The following CABLES1 variants were observed in gnomAD, a reference collection of about 807,000 sequenced individuals.
The protein encoded by CABLES1 is CDK5 and ABL1 enzyme substrate 1.
A neutral mutation model predicts 57.8 loss-of-function variants in CABLES1; 36 were observed. The observed-to-expected ratio is 0.62, with a 90% CI of 0.48 to 0.82. The LOEUF (loss-of-function observed/expected upper bound fraction) is 0.82. Among genes scored for constraint, CABLES1 ranks in the 40% least tolerant of loss-of-function variants. CABLES1 has a pLI of 0.00. For missense variants in CABLES1, 767 were observed against 836.6 expected (o/e 0.92, Z 1.03); for synonymous variants, 374 against 363.0 (o/e 1.03, Z -0.35).
At chr18:23,149,581 C>T (rs969924984) in intron 1 of CABLES1, 4 of 152,230 alleles carry the variant, frequency 2.6e-5, no homozygotes, top group Non-Finnish European at 4.4e-5. Context: ...TGTGCCCAGC[C>T]ATGGAATTTT....
At chr18:23,177,127 G>C (rs1184885352) in intron 1 of CABLES1, among the ~76,000 whole-genome samples, 1 of 152,058 alleles carries the variant, frequency 6.6e-6, no homozygotes, top group East Asian at 1.9e-4. Flanking sequence ...AAATAAATGC[G>C]TATCTGGCTT....
intron 7 of CABLES1, among the ~76,000 whole-genome samples, chr18:23,239,141 T>TGTATGTGC (rs1448300837): frequency 5.3e-5 from 8 of 152,264 alleles, no homozygotes; most frequent in Non-Finnish European, 1.0e-4. Context: ...GCAGTATGTG[T>TGTATGTGC]GTATGTGCGT....
At chr18:23,202,043 G>GAGGAAGGA (rs55652834) in intron 3 of CABLES1, among the ~76,000 whole-genome samples, 6,737 of 151,862 alleles carry the variant, frequency 0.044, 159 homozygotes, top group Middle Eastern at 0.082. Flanking sequence ...AGGTGATTGA[G>GAGGAAGGA]AGGAAGGAAG....
At chr18:23,190,662 C>A (rs1005920176) in intron 2 of CABLES1, 5 of 152,146 alleles carry the variant, frequency 3.3e-5, no homozygotes, top group African/African-American at 1.2e-4. Context: ...CTTGTACCAG[C>A]GTTCACAGAA....
intron 1 of CABLES1, among the ~76,000 whole-genome samples, chr18:23,173,632 G>C (rs943098644): frequency 6.6e-6 from 1 of 152,092 alleles, no homozygotes; most frequent in African/African-American, 2.4e-5. Context: ...TATTTTAACA[G>C]CTTTACTAAG....
intron 3 of CABLES1, among the ~76,000 whole-genome samples, chr18:23,199,662 A>C (rs2047309315): frequency 6.6e-6 from 1 of 152,186 alleles, no homozygotes; most frequent in Non-Finnish European, 1.5e-5. Context: ...AGAAGGTGGT[A>C]GGTAAGAGGT....
At chr18:23,158,821 G>A (rs906309131) in intron 1 of CABLES1, among the ~76,000 whole-genome samples, 2 of 152,324 alleles carry the variant, frequency 1.3e-5, no homozygotes, top group South Asian at 4.1e-4. Context: ...GTAATTGGGT[G>A]AAGAGCAAAT....
rs527994911 is a variant in CABLES1 at position 23,241,795 on chromosome 18, C to T, written c.1446+4550C>T. Among the ~76,000 whole-genome samples the T allele has an allele frequency of 3.3e-5, 5 of 152,284 alleles. No individual in the cohort carries two copies. The South Asian group carries it at 6.2e-4, about 19-fold the overall frequency. On this transcript the variant is annotated intron_variant, in intron 7 of 9. Transcript: ENST00000256925. ...CTAAGTGTAATATAAAAAGGCCCCT[C>T]GTCGCCACAGTCAGGACATGTCTTA...
chr18:23,212,016 G>A (rs577124035), intron 3 of CABLES1, among the ~76,000 whole-genome samples: 2 of 152,224 alleles, frequency 1.3e-5, no homozygotes, highest in South Asian at 2.1e-4. Flanking sequence ...CGGGCCCGTG[G>A]TATCTGATGA....
chr18:23,174,842 AT>A (rs1299883963), intron 1 of CABLES1, among the ~76,000 whole-genome samples: 1 of 140,768 alleles, frequency 7.1e-6, no homozygotes, highest in Non-Finnish European at 1.6e-5. Flanking sequence ...ATATATATAT[AT>A]ATATATATAT....
At chr18:23,217,279 C>G (rs766404218) in intron 4 of CABLES1, among the ~76,000 whole-genome samples, 1 of 152,052 alleles carries the variant, frequency 6.6e-6, no homozygotes, top group Non-Finnish European at 1.5e-5. Context: ...GATGAGATCT[C>G]GCCATGTTGC....
intron 4 of CABLES1, among the ~76,000 whole-genome samples, chr18:23,223,810 G>T (rs917337581): frequency 6.6e-6 from 1 of 152,042 alleles, no homozygotes; most frequent in African/African-American, 2.4e-5. Context: ...TCAGGTGCAT[G>T]TGTTAGGAAG....
chr18:23,235,954 C>T lies in CABLES1; in HGVS notation c.1245C>T (p.Thr415=), dbSNP rs565339161. The T allele has an allele frequency of 4.3e-6, 7 of 1,614,018 alleles. No individual in the cohort carries two copies. The Admixed American group carries it at 6.7e-5, about 15-fold the overall frequency. The change falls in exon 6 of 10, where the codon ACC becomes ACT. Residue 415 remains threonine (T), a synonymous_variant. Transcript: ENST00000256925. ...PTNAFGARRN[T]IDSTSSFSQF... ...ATGCCTTTGGAGCCCGGAGAAATAC[C>T]ATAGACTCCACCTCCTCTTTCTCCC...
rs954428988 is a variant in CABLES1, at chr18:23,257,380, G to T, written c.*13G>T. ...CCAGAGTTCCTAGCACTGGCCCCGA[G>T]GACAGCCAAGGGCCATTTCTTCTCA... On this transcript the variant is annotated 3_prime_UTR_variant, in exon 10 of 10. Coordinates refer to ENST00000256925, the MANE Select transcript of CABLES1 (RefSeq NM_001100619.3). 48 of 1,580,450 alleles carry T rather than the reference G, an allele frequency of 3.0e-5. No homozygotes were observed. The highest frequency in any genetic ancestry group is 3.8e-5 in the Non-Finnish European group (45 of 1,169,174).
intron 1 of CABLES1, among the ~76,000 whole-genome samples, chr18:23,186,008 C>A (rs563751746): frequency 1.3e-4 from 20 of 152,342 alleles, no homozygotes; most frequent in Non-Finnish European, 1.9e-4. Context: ...AGGTGGCCAG[C>A]ACATCAGTGA....
At chr18:23,215,124 G>A (rs151326134) in intron 4 of CABLES1, among the ~76,000 whole-genome samples, 1 of 152,156 alleles carries the variant, frequency 6.6e-6, no homozygotes, top group African/African-American at 2.4e-5. Flanking sequence ...CTTTGAGCTC[G>A]TCTTTTTCAT....
At chr18:23,227,428 A>G (rs1276110850) in intron 4 of CABLES1, among the ~76,000 whole-genome samples, 5 of 152,232 alleles carry the variant, frequency 3.3e-5, no homozygotes, top group Non-Finnish European at 7.3e-5. Flanking sequence ...AGATTTGGTC[A>G]TAAGCTACGT....
intron 4 of CABLES1, chr18:23,219,122 TTCAC>T (rs2047466853): frequency 6.6e-6 from 3 of 452,438 alleles, no homozygotes; most frequent in South Asian, 3.1e-5. Context: ...TACAGCAGAA[TTCAC>T]TCACCTGCAG....
intron 1 of CABLES1, among the ~76,000 whole-genome samples, chr18:23,183,540 A>G (rs576619488): frequency 1.8e-4 from 27 of 152,244 alleles, no homozygotes; most frequent in Non-Finnish European, 2.6e-4. Flanking sequence ...AGCATTAAGC[A>G]TGAACTCCAA....
Sources: gnomAD v4.1 joint callset for allele counts (sites outside exome capture counted in the v4.1 genomes callset) on GRCh38, gnomAD v4.1.1 for gene constraint, MANE v1.5 for transcripts, NCBI Gene and HGNC (gene_info 2026-07-23, HGNC 2026-07-21) for gene names.